Variants in PLPPR4 observed in about 807,000 individuals in gnomAD.
PLPPR4 encodes the protein phospholipid phosphatase related 4.
In PLPPR4, 24 loss-of-function variants were observed where a neutral mutation model predicts 56.6. The ratio of observed to expected loss-of-function variants is 0.42; its 90% CI spans 0.31 to 0.60. PLPPR4 has a LOEUF of 0.60. Among genes scored for constraint, PLPPR4 ranks in the 20% least tolerant of loss-of-function variants. The pLI, the probability that PLPPR4 is intolerant of heterozygous loss-of-function variation, is 0.13. For missense variants in PLPPR4, 654 were observed against 885.8 expected (o/e 0.74, Z 3.32); for synonymous variants, 326 against 328.1 (o/e 0.99, Z 0.07).
Position 99,306,922 on chromosome 1 carries a change from T to A in PLPPR4, c.2060T>A (p.Ile687Asn). 6.2e-7 allele frequency: 1 copy of A among 1,614,094 alleles called. No homozygotes were observed. The highest frequency in any genetic ancestry group is 8.5e-7 in the Non-Finnish European group (1 of 1,180,016). Residue 687 changes from isoleucine (I) to asparagine (N), a missense_variant, in exon 7 of 7, where the codon ATT (isoleucine) becomes AAT (asparagine). Ile to Asn is a moderately radical substitution (Grantham distance 149). Coordinates refer to ENST00000370185, the MANE Select transcript of PLPPR4 (RefSeq NM_014839.5). This position sits in a 1 kb window ranked among gnomAD's most constrained non-coding sequence, Gnocchi z 4.0. ...ACCCTGCGGAGAAAGGGCAATATCA[T>A]TCTAATCCCTGAAAGAAGCAACAGC... is the stretch of plus-strand genomic sequence containing the variant. ...DSTLRRKGNI[I>N]LIPERSNSPE... is the part of the protein sequence containing the mutation.
At chr1:99,300,224 T>C (rs1193124162) in intron 4 of PLPPR4, among the ~76,000 whole-genome samples, 1 of 151,994 alleles carries the variant, frequency 6.6e-6, no homozygotes, top group Non-Finnish European at 1.5e-5. Flanking sequence ...TTTTATTTTT[T>C]CTAATTTTTT....
At chr1:99,286,218 T>C (rs930983997) in intron 1 of PLPPR4, among the ~76,000 whole-genome samples, 2 of 152,216 alleles carry the variant, frequency 1.3e-5, no homozygotes, top group Admixed American at 6.5e-5. Flanking sequence ...TATTCATTGC[T>C]ATCTGAAAAT....
At chr1:99,299,309 C>T (rs1266602020) in intron 4 of PLPPR4, 79 bp downstream of exon 4, 2 of 966,484 alleles carry the variant, frequency 2.1e-6, no homozygotes, top group Non-Finnish European at 1.6e-6. Context: ...TTTAAGCATG[C>T]CTCTTTCAGT....
At chr1:99,305,322 T>A (rs1320053946) in intron 6 of PLPPR4, among the ~76,000 whole-genome samples, 1 of 152,200 alleles carries the variant, frequency 6.6e-6, no homozygotes, top group Non-Finnish European at 1.5e-5. Context: ...ATTTGAGATG[T>A]CACGCAACAA....
At position 99,301,044 on chromosome 1, in the gene PLPPR4, T is replaced by C. The variant is rs1659872589; in HGVS notation, c.648+78T>C. The C allele has an allele frequency of 4.9e-6, 6 of 1,229,848 alleles. No homozygotes were observed. The Admixed American group carries it at 8.5e-5, about 17-fold the overall frequency. 76.2% of individuals were successfully genotyped at this position (1,229,848 alleles called of 1,614,324 possible). A position where few individuals can be genotyped will look rare whatever the true frequency, so the allele number is the denominator to read the frequency against. ...ATGAATGTTGTCTCCAGGTGACTAA[T>C]TGGATGATATAACCATGTAATAACA... On this transcript the variant is annotated intron_variant, in intron 5 of 6. Coordinates refer to ENST00000370185, the MANE Select transcript of PLPPR4 (RefSeq NM_014839.5).
At chr1:99,302,575 A>C (rs1570924721) in intron 6 of PLPPR4, among the ~76,000 whole-genome samples, 1 of 151,416 alleles carries the variant, frequency 6.6e-6, no homozygotes. Context: ...CAAGTTAGTT[A>C]CATATGTATA....
At chr1:99,271,666 G>T (rs12096930) in intron 1 of PLPPR4, among the ~76,000 whole-genome samples, 13,232 of 151,962 alleles carry the variant, frequency 0.087, 1,039 homozygotes, top group African/African-American at 0.2. Flanking sequence ...AAAAAGAAGC[G>T]TCCTCTGGGC....
intron 2 of PLPPR4, 70 bp downstream of exon 2, chr1:99,288,220 A>G: frequency 1.4e-6 from 2 of 1,400,462 alleles, no homozygotes; most frequent in Admixed American, 1.9e-5. Flanking sequence ...TGTATAATAA[A>G]TGGGTTCAAA....
In PLPPR4 at chr1:99,307,708, T is replaced by C. The variant is rs935142036; in HGVS notation, c.*698T>C. ...ACATCAAAAATTGTGTAGAAATATTTTCAGTGAAAGGGAATAACTAGTACT... is the reference window on the plus strand; with the variant it reads ...ACATCAAAAATTGTGTAGAAATATTCTCAGTGAAAGGGAATAACTAGTACT... On this transcript the variant is annotated 3_prime_UTR_variant, in exon 7 of 7. Coordinates refer to ENST00000370185, the MANE Select transcript of PLPPR4 (RefSeq NM_014839.5). 1 of 152,236 alleles carries C rather than the reference T, an allele frequency of 6.6e-6. No homozygotes were observed. The highest frequency in any genetic ancestry group is 2.4e-5 in the African/African-American group (1 of 41,468). The allele number at this position is 152,236 out of a possible 1,614,324, so 9.4% of individuals were successfully genotyped here. A position where few individuals can be genotyped will look rare whatever the true frequency, so the allele number is the denominator to read the frequency against.
At chr1:99,295,288 T>C (rs1009763462) in intron 2 of PLPPR4, among the ~76,000 whole-genome samples, 16 of 152,340 alleles carry the variant, frequency 1.1e-4, no homozygotes, top group African/African-American at 3.8e-4. Flanking sequence ...TAATTAAACA[T>C]GTACCATATT....
rs1659890744 is a variant in PLPPR4 at position 99,301,858 on chromosome 1, T to C, written c.783T>C (p.Tyr261=). 4 of 1,612,014 alleles carry C rather than the reference T, an allele frequency of 2.5e-6. No homozygotes were observed. The highest frequency in any genetic ancestry group is 2.2e-5 in the East Asian group (1 of 44,824). ...ATAAGAACCACCCAGTTGATGTCTA[T>C]TGTGGCTTTTTAATAGGAGGAGGAA... ...TQYKNHPVDV[Y]CGFLIGGGIA... is the part of the protein sequence containing the mutation. Residue 261 remains tyrosine, a synonymous_variant, in exon 6 of 7, where the codon TAT becomes TAC. Transcript: ENST00000370185.
chr1:99,279,709 G>A (rs191344882), intron 1 of PLPPR4, among the ~76,000 whole-genome samples: 2 of 152,162 alleles, frequency 1.3e-5, no homozygotes, highest in Non-Finnish European at 2.9e-5. Flanking sequence ...CAGGATACAC[G>A]GCGGTGCATG....
chr1:99,284,623 C>T (rs1258820540), intron 1 of PLPPR4, among the ~76,000 whole-genome samples: 1 of 151,354 alleles, frequency 6.6e-6, no homozygotes, highest in Non-Finnish European at 1.5e-5. Flanking sequence ...GGTTTTAAAA[C>T]ATGCTTCTAT....
chr1:99,266,486 A>C (rs1427758984), intron 1 of PLPPR4, among the ~76,000 whole-genome samples: 8 of 152,278 alleles, frequency 5.3e-5, no homozygotes, highest in African/African-American at 1.9e-4. Context: ...GAATTTTAAA[A>C]GTACAAGTGC....
At chr1:99,286,304 G>A (rs1659462295) in intron 1 of PLPPR4, among the ~76,000 whole-genome samples, 1 of 152,054 alleles carries the variant, frequency 6.6e-6, no homozygotes, top group African/African-American at 2.4e-5. Flanking sequence ...ATTAAATTAA[G>A]GTTTACACAT....
chr1:99,278,824 T>C (rs1659254172), intron 1 of PLPPR4, among the ~76,000 whole-genome samples: 1 of 151,240 alleles, frequency 6.6e-6, no homozygotes, highest in African/African-American at 2.5e-5. Flanking sequence ...CATATTCAGG[T>C]ATAAAAACAT....
chr1:99,296,206 G>A (rs1264884493), intron 2 of PLPPR4, among the ~76,000 whole-genome samples: 1 of 151,886 alleles, frequency 6.6e-6, no homozygotes, highest in Non-Finnish European at 1.5e-5. Flanking sequence ...AGCCACCTGT[G>A]GCCACTTCAT....
chr1:99,289,287 A>G (rs1193057159), intron 2 of PLPPR4, among the ~76,000 whole-genome samples: 3 of 152,262 alleles, frequency 2.0e-5, no homozygotes, highest in African/African-American at 7.2e-5. Context: ...GAGTTTAAGA[A>G]GAGTCTCTGC....
At chr1:99,294,660 C>A (rs988237254) in intron 2 of PLPPR4, among the ~76,000 whole-genome samples, 6 of 149,240 alleles carry the variant, frequency 4.0e-5, no homozygotes, top group Admixed American at 2.7e-4. Context: ...CACACCATTG[C>A]ACTCCAGCCT....
Sources: allele counts gnomAD v4.1 joint callset (sites outside exome capture counted in the v4.1 genomes callset), GRCh38; gene constraint gnomAD v4.1.1; non-coding constraint Gnocchi (gnomAD v3.1); transcripts MANE v1.5; gene names NCBI Gene and HGNC (gene_info 2026-07-23, HGNC 2026-07-21).